The following XPO4 variants were observed in gnomAD, a reference collection of about 807,000 sequenced individuals.
XPO4 encodes exportin-4.
Under a neutral mutation model 143.0 loss-of-function variants are expected in XPO4, and 39 were observed. The observed-to-expected ratio is 0.27, with a 90% confidence interval of 0.21 to 0.36. The LOEUF (loss-of-function observed/expected upper bound fraction) is 0.36, where lower values mean the gene tolerates loss of function less well. Among genes scored for constraint, XPO4 ranks in the 10% least tolerant of loss-of-function variants. The probability of loss-of-function intolerance (pLI) is 1.00; values close to 1 mark genes in which losing one functional copy is unlikely to be tolerated. For missense variants in XPO4, 907 were observed against 1,348.0 expected, an observed-to-expected ratio of 0.67 and a Z score of 5.12; for synonymous variants, 439 against 474.0, an observed-to-expected ratio of 0.93 and a Z score of 0.96.
chr13:20,884,112 C>T lies in XPO4; in HGVS notation c.70-15411G>A, dbSNP rs576272026. On this transcript the variant is annotated intron_variant, in intron 1 of 22. Transcript: ENST00000255305. ...CACTAAGGCCAGGTGAGGTGGCTCA[C>T]ACCTGTAATCCTGGCACTTTGGGAG... is the stretch of plus-strand genomic sequence containing the variant. 2.0e-5 allele frequency among the ~76,000 whole-genome samples: 3 copies of T among 152,282 alleles called. No homozygotes were observed. In the East Asian group the frequency reaches 5.8e-4, roughly 30 times the overall value.
intron 1 of XPO4, among the ~76,000 whole-genome samples, chr13:20,897,389 T>C (rs984298185): frequency 2.0e-5 from 3 of 152,182 alleles, no homozygotes; most frequent in Non-Finnish European, 2.9e-5. Flanking sequence ...ACCTGGGATA[T>C]TGCTTATCAA....
chr13:20,887,704 A>C (rs1035129495), intron 1 of XPO4, among the ~76,000 whole-genome samples: 10 of 151,910 alleles, frequency 6.6e-5, no homozygotes, highest in African/African-American at 2.4e-4. Context: ...AAAATAAAAA[A>C]ATTTCAATTA....
chr13:20,868,529 T>C (rs1199525062), intron 2 of XPO4, 67 bp downstream of exon 2: 3 of 1,525,468 alleles, frequency 2.0e-6, no homozygotes, highest in African/African-American at 2.8e-5. Flanking sequence ...AAATAGCTAA[T>C]GTTTAAGACA....
chr13:20,845,740 A>G (rs2060023245), intron 4 of XPO4, among the ~76,000 whole-genome samples: 1 of 152,232 alleles, frequency 6.6e-6, no homozygotes, highest in African/African-American at 2.4e-5. Flanking sequence ...TTTAAATAAC[A>G]TGAGGATCAA....
chr13:20,889,240 T>A (rs897949803), intron 1 of XPO4, among the ~76,000 whole-genome samples: 3 of 152,220 alleles, frequency 2.0e-5, no homozygotes, highest in Non-Finnish European at 4.4e-5. Context: ...TGCGCATGGC[T>A]AGTAATTATC....
chr13:20,799,394 CATACACAT>C lies in XPO4; in HGVS notation c.2148-63_2148-56del. 6 of 1,430,566 alleles carry C rather than the reference CATACACAT, an allele frequency of 4.2e-6. No homozygotes were observed. In the South Asian group the frequency reaches 6.8e-5, roughly 16 times the overall value. The allele number at this position is 1,430,566 out of a possible 1,614,324, so 88.6% of individuals were successfully genotyped here. A position where few individuals can be genotyped will look rare whatever the true frequency, so the allele number is the denominator to read the frequency against. On this transcript the variant is annotated intron_variant, in intron 15 of 22. Coordinates refer to ENST00000255305, the MANE Select transcript of XPO4 (RefSeq NM_022459.5). ...GTATTACTATGTATATACATACACACATACACATATACACACAAAGAAAACAAAAATAA... is the reference window on the plus strand; with the variant it reads ...GTATTACTATGTATATACATACACACATACACACAAAGAAAACAAAAATAA...
chr13:20,863,369 G>A (rs932506641), intron 2 of XPO4, among the ~76,000 whole-genome samples: 8 of 152,160 alleles, frequency 5.3e-5, no homozygotes, highest in Admixed American at 4.6e-4. Flanking sequence ...ATCATGTTTA[G>A]GTTTTCTTTC....
At chr13:20,871,060 G>C (rs150645668) in intron 1 of XPO4, among the ~76,000 whole-genome samples, 35 of 152,276 alleles carry the variant, frequency 2.3e-4, no homozygotes, top group African/African-American at 8.4e-4. Flanking sequence ...TGCCTGCCTT[G>C]GCCTCCCAAA....
intron 21 of XPO4, 67 bp downstream of exon 21, chr13:20,787,414 G>T: frequency 7.0e-7 from 1 of 1,424,030 alleles, no homozygotes; most frequent in Non-Finnish European, 9.9e-7. Context: ...TTTGAATGCA[G>T]AATTATGTGC....
chr13:20,783,996 T>G, intron 22 of XPO4, 77 bp from the exon 23 acceptor site: 2 of 1,451,902 alleles, frequency 1.4e-6, no homozygotes, highest in East Asian at 2.3e-5. Context: ...TACTGGACTG[T>G]GGGGTTCTAA....
In XPO4 at chr13:20,891,060, T is replaced by C. The variant is rs564463697; in HGVS notation, c.69+11610A>G. On this transcript the variant is annotated intron_variant, in intron 1 of 22. Coordinates refer to ENST00000255305, the MANE Select transcript of XPO4 (RefSeq NM_022459.5). ...TGAATCCGAGAGGTGGAGGTTGCTG[T>C]AAGCCAAGATCAAGCCATTGCACTC... is the stretch of plus-strand genomic sequence containing the variant. 2.9e-5 allele frequency among the ~76,000 whole-genome samples: 4 copies of C among 139,340 alleles called. No homozygotes were observed. The East Asian group carries it at 8.6e-4, about 30-fold the overall frequency. The allele number at this position is 139,340 out of a possible 152,430, so 91.4% of individuals were successfully genotyped here.
At chr13:20,882,515 T>C (rs906577019) in intron 1 of XPO4, among the ~76,000 whole-genome samples, 12 of 152,128 alleles carry the variant, frequency 7.9e-5, no homozygotes, top group African/African-American at 2.7e-4. Context: ...CACCTCCTAC[T>C]AGGCCCACCT....
chr13:20,850,852 G>A, intron 4 of XPO4: 1 of 985,332 alleles, frequency 1.0e-6, no homozygotes, highest in African/African-American at 1.7e-5. Flanking sequence ...GGCCAATGAA[G>A]GTTGATGGAA....
intron 6 of XPO4, among the ~76,000 whole-genome samples, chr13:20,829,100 T>TTGTG (rs1172816206): frequency 6.6e-6 from 1 of 151,978 alleles, no homozygotes; most frequent in Non-Finnish European, 1.5e-5. Context: ...TCTTTGTGTT[T>TTGTG]TGTGTGTGTG....
chr13:20,892,190 G>A (rs571397048), intron 1 of XPO4, among the ~76,000 whole-genome samples: 152 of 152,118 alleles, frequency 1.0e-3, no homozygotes, highest in Admixed American at 2.7e-3. Context: ...GGGTTCAAGC[G>A]ATTCTCCTGT....
At chr13:20,829,247 C>A (rs1440587136) in intron 6 of XPO4, among the ~76,000 whole-genome samples, 2 of 152,140 alleles carry the variant, frequency 1.3e-5, no homozygotes. Flanking sequence ...CATGAGCCAG[C>A]ACACCTGGCC....
In XPO4 at chr13:20,788,588, T is replaced by C; in HGVS notation, c.2945A>G (p.Lys982Arg). The C allele has an allele frequency of 3.1e-6, 5 of 1,610,618 alleles. No individual in the cohort carries two copies. Among genetic ancestry groups the C allele is most frequent in the Non-Finnish European group, 4.2e-6 (5 of 1,178,760 alleles). The change falls in exon 20 of 23, where the codon AAA becomes AGA. Residue 982 changes from lysine (K) to arginine (R), a missense_variant. Transcript: ENST00000255305. Reference protein sequence around the residue: ...KFPTLCNQYYKLITFICEIFP... With the variant: ...KFPTLCNQYYRLITFICEIFP... Reference sequence around the variant, plus strand: ...AATCTCACAGATAAATGTGATTAATTTGTAGTACTGATTACAAAGGGTTGG... The same window carrying C: ...AATCTCACAGATAAATGTGATTAATCTGTAGTACTGATTACAAAGGGTTGG...
chr13:20,783,812 A>G lies in XPO4; in HGVS notation c.3366T>C (p.Pro1122=). 1 of 1,614,238 alleles carries G rather than the reference A, an allele frequency of 6.2e-7. No individual in the cohort carries two copies. Among genetic ancestry groups the G allele is most frequent in the Non-Finnish European group, 8.5e-7 (1 of 1,180,040 alleles). ...TCTTCTGCTTCCGATCCAGCGTAGGAGGAGTGCTGCTTGCAGTGAGCTTGT... is the reference window on the plus strand; with the variant it reads ...TCTTCTGCTTCCGATCCAGCGTAGGGGGAGTGCTGCTTGCAGTGAGCTTGT... The part of the protein sequence containing the change: ...AFNKLTASST[P]PTLDRKQKMA... Residue 1122 remains proline, a synonymous_variant, in exon 23 of 23, where the codon CCT becomes CCC. Coordinates refer to ENST00000255305, the MANE Select transcript of XPO4 (RefSeq NM_022459.5).
chr13:20,884,047 T>C (rs952944567), intron 1 of XPO4, among the ~76,000 whole-genome samples: 7 of 152,332 alleles, frequency 4.6e-5, no homozygotes, highest in African/African-American at 1.4e-4. Flanking sequence ...ATTACAGGCA[T>C]GAGCCACCAC....
Sources: allele counts gnomAD v4.1 joint callset (sites outside exome capture counted in the v4.1 genomes callset), GRCh38; gene constraint gnomAD v4.1.1; transcripts MANE v1.5; gene names NCBI Gene and HGNC (gene_info 2026-07-23, HGNC 2026-07-21).